The following WBP1L variants were observed in gnomAD, a reference collection of about 807,000 sequenced individuals.
WBP1L encodes the protein WW domain binding protein 1-like.
WBP1L carries 17 observed loss-of-function variants against 33.7 expected under a neutral mutation model. That is an observed-to-expected ratio of 0.50 (90% confidence interval 0.34 to 0.76). The LOEUF (loss-of-function observed/expected upper bound fraction) is 0.76, where lower values mean the gene tolerates loss of function less well. Among genes scored for constraint, WBP1L ranks in the 30% least tolerant of loss-of-function variants. WBP1L has a pLI of 0.01. For missense variants in WBP1L, 389 were observed against 469.4 expected (o/e 0.83, Z 1.58); for synonymous variants, 173 against 190.8 (o/e 0.91, Z 0.77).
intron 1 of WBP1L, among the ~76,000 whole-genome samples, chr10:102,750,106 A>G (rs1842910925): frequency 6.6e-6 from 1 of 151,652 alleles, no homozygotes; most frequent in South Asian, 2.1e-4. Context: ...TTTTATATCA[A>G]CTTTATTGAG....
In WBP1L at chr10:102,812,810, A is replaced by C; in HGVS notation, c.571A>C (p.Arg191=). The C allele has an allele frequency of 6.2e-7, 1 of 1,600,032 alleles. No individual in the cohort carries two copies. The highest frequency in any genetic ancestry group is 8.5e-7 in the Non-Finnish European group (1 of 1,172,866). The change falls in exon 4 of 4, where the codon AGA becomes CGA. Residue 191 remains arginine (R), a synonymous_variant. Coordinates refer to ENST00000448841, the MANE Select transcript of WBP1L (RefSeq NM_001083913.2). ...GTCTGAGCCCAGCAGAAGCAGCACA[A>C]GACCCCCAAGCATCGCTGACCCTGA... is the stretch of plus-strand genomic sequence containing the variant. ...PLSEPSRSST[R]PPSIADPDPS...
intron 1 of WBP1L, among the ~76,000 whole-genome samples, chr10:102,760,795 G>T (rs1236046979): frequency 6.6e-6 from 1 of 152,192 alleles, no homozygotes; most frequent in East Asian, 1.9e-4. Context: ...TAGTGCATAT[G>T]CTTACAGTTC....
chr10:102,778,839 T>G (rs1303257931), intron 1 of WBP1L, among the ~76,000 whole-genome samples: 1 of 152,142 alleles, frequency 6.6e-6, no homozygotes, highest in Non-Finnish European at 1.5e-5. Context: ...ATGTATGCAC[T>G]TTGATTTATT....
At chr10:102,792,232 C>T (rs1358096908) in intron 1 of WBP1L, among the ~76,000 whole-genome samples, 1 of 152,220 alleles carries the variant, frequency 6.6e-6, no homozygotes, top group Non-Finnish European at 1.5e-5. Flanking sequence ...AGGCACATAC[C>T]TGTAATAGAT....
At chr10:102,757,879 C>A (rs1334216233) in intron 1 of WBP1L, among the ~76,000 whole-genome samples, 2 of 37,154 alleles carry the variant, frequency 5.4e-5, no homozygotes, top group Admixed American at 2.8e-4. Flanking sequence ...CCTGCCCTCC[C>A]CCCCCCCCTT....
At chr10:102,791,624 C>A (rs1385888338) in intron 1 of WBP1L, among the ~76,000 whole-genome samples, 6 of 152,164 alleles carry the variant, frequency 3.9e-5, no homozygotes, top group Admixed American at 3.9e-4. Flanking sequence ...CATGAGGAGA[C>A]CCTGTCTCTA....
At chr10:102,771,296 C>G (rs1432716354) in intron 1 of WBP1L, among the ~76,000 whole-genome samples, 1 of 152,086 alleles carries the variant, frequency 6.6e-6, no homozygotes, top group African/African-American at 2.4e-5. Context: ...GTGGTTCGTG[C>G]CTGTGATGTC....
Position 102,813,361 on chromosome 10 carries a change from G to A in WBP1L, c.*30G>A. 6.3e-7 allele frequency: 1 copy of A among 1,579,040 alleles called. No homozygotes were observed. On this transcript the variant is annotated 3_prime_UTR_variant, in exon 4 of 4. Transcript: ENST00000448841. ...GGTCCTGCCAGCACCCAGCAACTTG[G>A]CAAAGCAACCAGGGTAGGGGAGAAC...
At chr10:102,753,553 T>C (rs1205482691) in intron 1 of WBP1L, among the ~76,000 whole-genome samples, 1 of 152,200 alleles carries the variant, frequency 6.6e-6, no homozygotes, top group Non-Finnish European at 1.5e-5. Context: ...CCGTCTTGCA[T>C]GGTCTGGGTT....
At chr10:102,760,502 G>A (rs570897444) in intron 1 of WBP1L, among the ~76,000 whole-genome samples, 1 of 150,054 alleles carries the variant, frequency 6.7e-6, no homozygotes, top group East Asian at 2.0e-4. Flanking sequence ...TCAGCCTTCC[G>A]AGTAGCTGGG....
chr10:102,795,784 G>A (rs1843565325), intron 1 of WBP1L, among the ~76,000 whole-genome samples: 1 of 152,204 alleles, frequency 6.6e-6, no homozygotes, highest in Non-Finnish European at 1.5e-5. Flanking sequence ...GCAGGGCCTG[G>A]TAAACTGGGG....
At chr10:102,802,467 C>T (rs1843672067) in intron 2 of WBP1L, among the ~76,000 whole-genome samples, 1 of 150,598 alleles carries the variant, frequency 6.6e-6, no homozygotes, top group African/African-American at 2.4e-5. Flanking sequence ...GTGCCAAGAA[C>T]AGAACCTAAA....
intron 1 of WBP1L, among the ~76,000 whole-genome samples, chr10:102,779,327 C>T (rs886263011): frequency 2.0e-5 from 3 of 150,982 alleles, no homozygotes; most frequent in East Asian, 2.1e-4. Context: ...TGTTGAGTCT[C>T]GTTCTTGTCA....
chr10:102,758,595 A>G (rs1329539949), intron 1 of WBP1L, among the ~76,000 whole-genome samples: 1 of 152,216 alleles, frequency 6.6e-6, no homozygotes, highest in Non-Finnish European at 1.5e-5. Context: ...TATGGGGCTT[A>G]GCGGGTGTTC....
chr10:102,795,368 C>G (rs1190957807), intron 1 of WBP1L, among the ~76,000 whole-genome samples: 1 of 152,192 alleles, frequency 6.6e-6, no homozygotes, highest in African/African-American at 2.4e-5. Flanking sequence ...CGAGAAACTT[C>G]CGTACTGTGT....
At chr10:102,793,304 A>G (rs1843529436) in intron 1 of WBP1L, among the ~76,000 whole-genome samples, 2 of 152,132 alleles carry the variant, frequency 1.3e-5, no homozygotes, top group South Asian at 2.1e-4. Flanking sequence ...AAAAAGCCAG[A>G]TATGGTGGCA....
At position 102,803,734 on chromosome 10, in the gene WBP1L, G is replaced by C. The variant is rs191181261; in HGVS notation, c.193+5639G>C. The stretch of plus-strand genomic sequence containing the variant: ...CGCCATTCTCCTGCCTCAGCCTCCC[G>C]AGTGGCTGGGACTATAGGTGCCTGC... On this transcript the variant is annotated intron_variant, in intron 2 of 3. Transcript: ENST00000448841. 4.7e-3 allele frequency among the ~76,000 whole-genome samples: 710 copies of C among 151,728 alleles called. 5 individuals are homozygous for C. Among genetic ancestry groups the C allele is most frequent in the African/African-American group, 0.016 (661 of 41,344 alleles).
intron 1 of WBP1L, among the ~76,000 whole-genome samples, chr10:102,772,424 C>T (rs1268426460): frequency 1.3e-5 from 2 of 151,288 alleles, no homozygotes; most frequent in Non-Finnish European, 2.9e-5. Context: ...CCATGCTTAG[C>T]TAATTTTTCT....
rs186720897 is a variant in WBP1L, at chr10:102,806,675, T to C, written c.194-3218T>C. On this transcript the variant is annotated intron_variant, in intron 2 of 3. Transcript: ENST00000448841. ...GTAACAGGGAAAAAAATCCTCTGTCTGTTCTCTTGCTGCAAGGCTGCAGCA... is the reference window on the plus strand; with the variant it reads ...GTAACAGGGAAAAAAATCCTCTGTCCGTTCTCTTGCTGCAAGGCTGCAGCA... 2.6e-3 allele frequency among the ~76,000 whole-genome samples: 394 copies of C among 152,366 alleles called. 3 individuals carry two copies. Among genetic ancestry groups the C allele is most frequent in the African/African-American group, 8.4e-3 (350 of 41,598 alleles).
Sources: gnomAD v4.1 joint callset for allele counts (sites outside exome capture counted in the v4.1 genomes callset) on GRCh38, gnomAD v4.1.1 for gene constraint, MANE v1.5 for transcripts, NCBI Gene and HGNC (gene_info 2026-07-23, HGNC 2026-07-21) for gene names.